Variants in TMEM132C observed in about 807,000 individuals in gnomAD.
TMEM132C encodes protein phosphatase 1, regulatory subunit 152.
TMEM132C carries 29 observed loss-of-function variants against 61.4 expected under a neutral mutation model. The observed-to-expected ratio is 0.47, with a 90% confidence interval of 0.35 to 0.64. The LOEUF is 0.64. Ranked by LOEUF, TMEM132C falls within the 30% of genes least tolerant of loss-of-function variation. The pLI, the probability that TMEM132C is intolerant of heterozygous loss-of-function variation, is 0.00. For synonymous variants in TMEM132C, 656 were observed against 633.1 expected (o/e 1.04, Z -0.54); for missense variants, 1,408 against 1,476.9 (o/e 0.95, Z 0.76).
intron 1 of TMEM132C, among the ~76,000 whole-genome samples, chr12:128,321,146 ATAATAATAAT>A (rs1872319956): frequency 1.4e-5 from 2 of 142,628 alleles, no homozygotes; most frequent in African/African-American, 5.5e-5. Context: ...AAAAATAATA[ATAATAATAAT>A]AATAATAATA....
intron 3 of TMEM132C, among the ~76,000 whole-genome samples, chr12:128,571,349 T>C (rs1279586829): frequency 6.6e-6 from 1 of 152,228 alleles, no homozygotes; most frequent in African/African-American, 2.4e-5. Flanking sequence ...TGACACAGTC[T>C]TCTACAAAGG....
intron 3 of TMEM132C, among the ~76,000 whole-genome samples, chr12:128,571,977 C>T (rs995638590): frequency 6.6e-6 from 1 of 152,250 alleles, no homozygotes; most frequent in Non-Finnish European, 1.5e-5. Context: ...GATTGAGTCA[C>T]CTGCTTATCC....
Position 128,597,676 on chromosome 12 carries a change from T to A in TMEM132C, c.1122-18476T>A, listed in dbSNP as rs148777954. On this transcript the variant is annotated intron_variant, in intron 3 of 8. Coordinates refer to ENST00000435159, the MANE Select transcript of TMEM132C (RefSeq NM_001136103.3). Reference sequence around the variant, plus strand: ...CAACAGTGGCCAACACAGTTTCTCATCTAGAGGTGCTTACATCTTACCAGA... The same window carrying A: ...CAACAGTGGCCAACACAGTTTCTCAACTAGAGGTGCTTACATCTTACCAGA... Among the ~76,000 whole-genome samples the A allele has an allele frequency of 5.1e-3, 772 of 152,304 alleles. 9 individuals are homozygous for A. The highest frequency in any genetic ancestry group is 0.018 in the African/African-American group (733 of 41,544).
intron 3 of TMEM132C, among the ~76,000 whole-genome samples, chr12:128,580,893 G>T (rs1875309677): frequency 6.6e-6 from 1 of 152,126 alleles, no homozygotes; most frequent in Non-Finnish European, 1.5e-5. Flanking sequence ...GGGCTTTCAG[G>T]TGCCTGCTAG....
intron 1 of TMEM132C, among the ~76,000 whole-genome samples, chr12:128,352,044 A>G (rs1683739): frequency 0.96 from 146,399 of 152,238 alleles, 70,405 homozygotes; most frequent in East Asian, 1. Flanking sequence ...TTACTCAGGG[A>G]AGTGTCAGTC....
At position 128,455,898 on chromosome 12, in the gene TMEM132C, G is replaced by A. The variant is rs908323515; in HGVS notation, c.974+40278G>A. Reference sequence around the variant, plus strand: ...AAGGAGAGGAAGTTCACTGCAGCATGGATTCAGAAAACATCTGTGTCACAT... The same window carrying A: ...AAGGAGAGGAAGTTCACTGCAGCATAGATTCAGAAAACATCTGTGTCACAT... On this transcript the variant is annotated intron_variant, in intron 2 of 8. Coordinates refer to ENST00000435159, the MANE Select transcript of TMEM132C (RefSeq NM_001136103.3). Among the ~76,000 whole-genome samples, 4 of 152,146 alleles carry A rather than the reference G, an allele frequency of 2.6e-5. No individual in the cohort carries two copies. The South Asian group carries it at 6.2e-4, about 24-fold the overall frequency.
intron 2 of TMEM132C, among the ~76,000 whole-genome samples, chr12:128,430,596 T>G (rs1869350434): frequency 6.6e-6 from 1 of 152,236 alleles, no homozygotes; most frequent in Non-Finnish European, 1.5e-5. Context: ...GTTTAAAAGC[T>G]GAAGGTTTGT....
intron 5 of TMEM132C, among the ~76,000 whole-genome samples, chr12:128,690,766 G>A (rs1358136552): frequency 2.0e-5 from 3 of 152,118 alleles, no homozygotes; most frequent in African/African-American, 7.2e-5. Flanking sequence ...TGAATGAGAA[G>A]ATCCATCCAT....
At chr12:128,667,098 G>T (rs61940598) in intron 4 of TMEM132C, among the ~76,000 whole-genome samples, 8,425 of 152,174 alleles carry the variant, frequency 0.055, 329 homozygotes, top group African/African-American at 0.12. Context: ...GATATAGATA[G>T]AGATAGAGAT....
intron 1 of TMEM132C, among the ~76,000 whole-genome samples, chr12:128,303,349 A>G (rs1871658384): frequency 6.6e-6 from 1 of 152,108 alleles, no homozygotes; most frequent in African/African-American, 2.4e-5. Context: ...TTGATCTTTT[A>G]TGGGGCAAGT....
intron 2 of TMEM132C, among the ~76,000 whole-genome samples, chr12:128,533,688 C>T (rs997778527): frequency 2.0e-5 from 3 of 152,136 alleles, no homozygotes; most frequent in African/African-American, 7.2e-5. Flanking sequence ...ATGTGATTAC[C>T]TCTGTAAAGA....
intron 2 of TMEM132C, among the ~76,000 whole-genome samples, chr12:128,440,619 G>T (rs776085061): frequency 2.6e-5 from 4 of 152,130 alleles, no homozygotes; most frequent in Non-Finnish European, 5.9e-5. Flanking sequence ...ATATCACATG[G>T]CCAGATCTGA....
chr12:128,299,976 A>C (rs1446728953), intron 1 of TMEM132C, among the ~76,000 whole-genome samples: 1 of 152,244 alleles, frequency 6.6e-6, no homozygotes, highest in African/African-American at 2.4e-5. Flanking sequence ...TAATTCCGTC[A>C]GTGTAGTCTA....
intron 1 of TMEM132C, among the ~76,000 whole-genome samples, chr12:128,285,769 TTCTCTCTCTC>T (rs139826127): frequency 0.041 from 704 of 17,328 alleles, 13 homozygotes; most frequent in African/African-American, 0.11. Context: ...CTTTCTCTCT[TTCTCTCTCTC>T]TCTCTCTCTC....
chr12:128,367,977 G>A (rs1264407605), intron 1 of TMEM132C, among the ~76,000 whole-genome samples: 1 of 152,128 alleles, frequency 6.6e-6, no homozygotes, highest in Non-Finnish European at 1.5e-5. Context: ...GCTGTCAGCC[G>A]GACTTTGGAG....
At chr12:128,349,335 C>G (rs545639155) in intron 1 of TMEM132C, among the ~76,000 whole-genome samples, 1 of 152,292 alleles carries the variant, frequency 6.6e-6, no homozygotes, top group East Asian at 1.9e-4. Context: ...GAGTCACCAC[C>G]ATCAAATGAC....
chr12:128,676,426 G>C (rs918293832), intron 5 of TMEM132C, among the ~76,000 whole-genome samples: 1 of 151,528 alleles, frequency 6.6e-6, no homozygotes. Context: ...ACTTTGGTGG[G>C]TATTTTTTCT....
chr12:128,331,864 T>C (rs1364144663), intron 1 of TMEM132C, among the ~76,000 whole-genome samples: 2 of 152,220 alleles, frequency 1.3e-5, no homozygotes. Context: ...TTCGTAGAAG[T>C]TGTACTCATT....
intron 8 of TMEM132C, among the ~76,000 whole-genome samples, chr12:128,702,417 T>C (rs1954810590): frequency 6.6e-6 from 1 of 152,210 alleles, no homozygotes; most frequent in African/African-American, 2.4e-5. Context: ...ATTGTTTTAT[T>C]TCATAGACTG....
Sources: gnomAD v4.1 joint callset for allele counts (sites outside exome capture counted in the v4.1 genomes callset) on GRCh38, gnomAD v4.1.1 for gene constraint, MANE v1.5 for transcripts, NCBI Gene and HGNC (gene_info 2026-07-23, HGNC 2026-07-21) for gene names.